PCYT1B: variants seen among roughly 807,000 people sequenced by gnomAD.
The protein encoded by PCYT1B is choline-phosphate cytidylyltransferase B.
In PCYT1B, 10 loss-of-function variants were observed where a neutral mutation model predicts 26.4. That is an observed-to-expected ratio of 0.38 (90% CI 0.23 to 0.64). The LOEUF (loss-of-function observed/expected upper bound fraction) is 0.64, where lower values mean the gene tolerates loss of function less well. Among genes scored for constraint, PCYT1B ranks in the 30% least tolerant of loss-of-function variants. PCYT1B has a pLI of 0.56. For missense variants in PCYT1B, 161 were observed against 292.7 expected (o/e 0.55, Z 3.28); for synonymous variants, 131 against 108.4 (o/e 1.21, Z -1.29).
chrX:24,620,346 T>G (rs1925662276), intron 1 of PCYT1B, among the ~76,000 whole-genome samples: 1 of 111,193 alleles, frequency 9.0e-6, no homozygotes, highest in Non-Finnish European at 1.9e-5. Flanking sequence ...CCATCCCCTC[T>G]CCCCATTGCA....
intron 3 of PCYT1B, among the ~76,000 whole-genome samples, chrX:24,592,255 C>T (rs765761765): frequency 8.9e-6 from 1 of 112,077 alleles, no homozygotes; most frequent in Non-Finnish European, 1.9e-5. Context: ...CACAGGAAGA[C>T]AAATACTGCC....
At chrX:24,574,831 C>T (rs768496666) in intron 7 of PCYT1B, among the ~76,000 whole-genome samples, 7 of 112,206 alleles carry the variant, frequency 6.2e-5, no homozygotes, top group Admixed American at 2.9e-4. Context: ...CTGAGATGAG[C>T]GACAGCATCA....
chrX:24,579,352 C>A lies in PCYT1B; in HGVS notation c.672G>T (p.Gly224=). 7 of 1,210,420 alleles carry A rather than the reference C, an allele frequency of 5.8e-6. No homozygotes were observed. Among genetic ancestry groups the A allele is most frequent in the Non-Finnish European group, 6.7e-6 (6 of 894,622 alleles). The change falls in exon 6 of 8, where the codon GGG becomes GGT. Residue 224 remains glycine (G), a synonymous_variant. Transcript: ENST00000379144. ...TGACATTCAGTTCCTTGGCTGTATA[C>A]CCTCTCTGGAGGTTACGTCGGGCAT... The part of the protein sequence containing the change: ...DVYARRNLQR[G]YTAKELNVSF...
intron 3 of PCYT1B, among the ~76,000 whole-genome samples, chrX:24,596,091 T>C (rs946363455): frequency 3.6e-5 from 4 of 112,135 alleles, no homozygotes; most frequent in African/African-American, 6.5e-5. Context: ...TGGTGACTCT[T>C]TAAAAATTTT....
At chrX:24,672,391 A>C (rs765882774) in intron 1 of PCYT1B, among the ~76,000 whole-genome samples, 1 of 111,681 alleles carries the variant, frequency 9.0e-6, no homozygotes, top group South Asian at 3.8e-4. Flanking sequence ...ATTAGTCACA[A>C]TTTGTTTTTC....
intron 7 of PCYT1B, among the ~76,000 whole-genome samples, chrX:24,566,859 A>T (rs1459248347): frequency 9.0e-6 from 1 of 111,328 alleles, no homozygotes; most frequent in African/African-American, 3.3e-5. Context: ...TTAAAATTCC[A>T]CACGTCTGCT....
intron 3 of PCYT1B, 44 bp from the exon 4 acceptor site, chrX:24,590,218 C>T (rs1391886591): frequency 1.7e-6 from 2 of 1,145,289 alleles, no homozygotes; most frequent in East Asian, 3.1e-5. Context: ...CGGCCCAGGA[C>T]CTGCTCACAG....
chrX:24,622,095 C>T (rs1388212065), intron 1 of PCYT1B, among the ~76,000 whole-genome samples: 2 of 112,296 alleles, frequency 1.8e-5, no homozygotes, highest in African/African-American at 6.5e-5. Context: ...CTATCTTTAA[C>T]AGCAGTTGAT....
rs1003386631 is a variant in PCYT1B, at chrX:24,558,858, A to G, written c.*3435T>C. The G allele has an allele frequency of 9.1e-6, 1 of 110,128 alleles. No homozygotes were observed. Among genetic ancestry groups the G allele is most frequent in the Admixed American group, 9.8e-5 (1 of 10,184 alleles). 9.1% of individuals were successfully genotyped at this position (110,128 alleles called of 1,213,427 possible). A position where few individuals can be genotyped will look rare whatever the true frequency, so the allele number is the denominator to read the frequency against. ...TTTCTTAGCTGGTGGAGGGGTGACC[A>G]GTTCATTTTAGGGTCCCCATAAGCA... On this transcript the variant is annotated 3_prime_UTR_variant, in exon 8 of 8. Transcript: ENST00000379144.
chrX:24,600,624 A>T (rs1924927443), intron 3 of PCYT1B, among the ~76,000 whole-genome samples: 1 of 111,284 alleles, frequency 9.0e-6, no homozygotes, highest in African/African-American at 3.3e-5. Context: ...CCTGTCTCTT[A>T]AAAAATACAT....
At position 24,637,509 on chromosome X, in the gene PCYT1B, T is replaced by TATATATATATATATAA. The variant is rs779316769; in HGVS notation, c.117+9479_117+9480insTTATATATATATATAT. On this transcript the variant is annotated intron_variant, in intron 1 of 7. Transcript: ENST00000379144. ...AAAAAAAAATATATATATATATATA[T>TATATATATATATATAA]ATAAATTAGCTGAGCGTGGTGGCGT... 4.2e-3 allele frequency among the ~76,000 whole-genome samples: 266 copies of TATATATATATATATAA among 64,038 alleles called. 16 individuals are homozygous for TATATATATATATATAA. Among genetic ancestry groups the TATATATATATATATAA allele is most frequent in the Middle Eastern group, 6.5e-3 (1 of 155 alleles). The allele number at this position is 64,038 out of a possible 115,157, so 55.6% of individuals were successfully genotyped here.
chrX:24,584,653 C>T (rs1305984093), intron 5 of PCYT1B, among the ~76,000 whole-genome samples: 1 of 112,263 alleles, frequency 8.9e-6, no homozygotes, highest in South Asian at 3.7e-4. Context: ...AACAAAAATG[C>T]CATCAGGGAG....
intron 1 of PCYT1B, among the ~76,000 whole-genome samples, 165 bp downstream of exon 1, chrX:24,646,824 C>G (rs1274978938): frequency 1.8e-5 from 2 of 111,688 alleles, no homozygotes; most frequent in Non-Finnish European, 3.8e-5. Context: ...GAGCAGCGCC[C>G]GGTATAGAAG....
chrX:24,671,974 CAACATGGTGA>C (rs1287536123), intron 1 of PCYT1B, among the ~76,000 whole-genome samples: 3 of 112,012 alleles, frequency 2.7e-5, no homozygotes, highest in Admixed American at 9.4e-5. Flanking sequence ...CCAGCCTGGC[CAACATGGTGA>C]AACCTTGTCT....
chrX:24,566,862 C>T (rs1923647989), intron 7 of PCYT1B, among the ~76,000 whole-genome samples: 1 of 111,295 alleles, frequency 9.0e-6, no homozygotes, highest in Non-Finnish European at 1.9e-5. Context: ...AAATTCCACA[C>T]GTCTGCTAAT....
intron 1 of PCYT1B, among the ~76,000 whole-genome samples, chrX:24,623,064 G>A (rs966891057): frequency 9.0e-6 from 1 of 111,062 alleles, no homozygotes; most frequent in Admixed American, 9.7e-5. Context: ...CTAGGGGTTT[G>A]GAGGATAGAG....
intron 1 of PCYT1B, among the ~76,000 whole-genome samples, chrX:24,646,063 T>C (rs766158006): frequency 2.7e-5 from 3 of 111,916 alleles, no homozygotes; most frequent in South Asian, 3.8e-4. Context: ...AAGGAAAGGA[T>C]AGCTTTAACT....
intron 1 of PCYT1B, among the ~76,000 whole-genome samples, chrX:24,640,301 C>CT (rs1216577257): frequency 2.7e-5 from 3 of 112,294 alleles, no homozygotes; most frequent in African/African-American, 9.7e-5. Flanking sequence ...GATCTCTCTA[C>CT]TGCATTTGAT....
intron 1 of PCYT1B, among the ~76,000 whole-genome samples, chrX:24,646,155 C>T (rs1926617182): frequency 9.0e-6 from 1 of 111,480 alleles, no homozygotes; most frequent in African/African-American, 3.3e-5. Flanking sequence ...ACCCACCACC[C>T]ATGCGTGTTT....
Sources: gnomAD v4.1 joint callset for allele counts (sites outside exome capture counted in the v4.1 genomes callset) on GRCh38, gnomAD v4.1.1 for gene constraint, MANE v1.5 for transcripts, NCBI Gene and HGNC (gene_info 2026-07-23, HGNC 2026-07-21) for gene names.